The following SLC26A11 variants were observed in gnomAD, a reference collection of about 807,000 sequenced individuals.
The protein encoded by SLC26A11 is solute carrier family 26 member 11, also known as sodium-independent sulfate anion transporter.
A neutral mutation model predicts 62.2 loss-of-function variants in SLC26A11; 58 were observed. The ratio of observed to expected loss-of-function variants is 0.93; its 90% CI spans 0.76 to 1.16. SLC26A11 has a LOEUF of 1.16. Ranked by LOEUF, SLC26A11 falls within the 50% of genes most tolerant of loss-of-function variation. SLC26A11 has a pLI of 0.00. For missense variants in SLC26A11, 790 were observed against 794.3 expected (o/e 0.99, Z 0.06); for synonymous variants, 411 against 368.9 (o/e 1.11, Z -1.31).
chr17:80,230,573 A>T (rs866433433), intron 7 of SLC26A11, among the ~76,000 whole-genome samples: 27 of 152,228 alleles, frequency 1.8e-4, no homozygotes, highest in African/African-American at 6.0e-4. Context: ...CCTGGGGTGC[A>T]GGCCAGGCTG....
At chr17:80,230,193 C>CAAAA (rs11338645) in intron 7 of SLC26A11, among the ~76,000 whole-genome samples, 1 of 91,044 alleles carries the variant, frequency 1.1e-5, no homozygotes, top group Non-Finnish European at 2.2e-5. Flanking sequence ...GACTCCTTCT[C>CAAAA]AAAAAAAAAA....
Position 80,227,829 on chromosome 17 carries a change from C to T in SLC26A11, c.605C>T (p.Ala202Val). 2 of 1,603,948 alleles carry T rather than the reference C, an allele frequency of 1.2e-6. No individual in the cohort carries two copies. Among genetic ancestry groups the T allele is most frequent in the African/African-American group, 2.7e-5 (2 of 75,058 alleles). ...LRIAETRVGDAVLGLVCMLLL... is the reference protein window; with the variant it reads ...LRIAETRVGDVVLGLVCMLLL... ...CTGCCTGTCCACAGGGTAGGTGACG[C>T]CGTCCTGGGGCTGGTCTGCATGCTG... The change falls in exon 7 of 18, where the codon GCC becomes GTC. Residue 202 changes from alanine (A) to valine (V), a missense_variant. By Grantham distance (64) the Ala-to-Val change is moderately conservative. Transcript: ENST00000361193.
Position 80,243,770 on chromosome 17 carries a change from C to T in SLC26A11, c.1037-1426C>T, listed in dbSNP as rs74000658. Among the ~76,000 whole-genome samples, 533 of 152,310 alleles carry T rather than the reference C, an allele frequency of 3.5e-3. 4 individuals carry two copies. Among genetic ancestry groups the T allele is most frequent in the African/African-American group, 0.012 (505 of 41,568 alleles). On this transcript the variant is annotated intron_variant, in intron 10 of 17. Coordinates refer to ENST00000361193, the MANE Select transcript of SLC26A11 (RefSeq NM_001166347.2). ...TGAGTTCCAGGGATACAACACAGAC[C>T]GAGCGAAGGTCAAGGTTACTATGGC...
At chr17:80,238,499 G>T (rs899126636) in intron 9 of SLC26A11, among the ~76,000 whole-genome samples, 2 of 152,178 alleles carry the variant, frequency 1.3e-5, no homozygotes, top group African/African-American at 4.8e-5. Context: ...GGGAGGCAGG[G>T]AACCCTTCGT....
chr17:80,237,911 G>C (rs2042743826), intron 9 of SLC26A11, among the ~76,000 whole-genome samples: 1 of 152,210 alleles, frequency 6.6e-6, no homozygotes, highest in Admixed American at 6.5e-5. Flanking sequence ...TTAAGGTAAC[G>C]TCACTGAAAG....
At chr17:80,224,949 G>C (rs564497852) in intron 5 of SLC26A11, among the ~76,000 whole-genome samples, 53 of 152,036 alleles carry the variant, frequency 3.5e-4, no homozygotes, top group African/African-American at 1.3e-3. Flanking sequence ...CACCCACCCT[G>C]TGCGCAGCAG....
chr17:80,245,290 C>A (rs768145669), intron 11 of SLC26A11, 34 bp downstream of exon 11: 1 of 1,608,094 alleles, frequency 6.2e-7, no homozygotes, highest in Non-Finnish European at 8.5e-7. Flanking sequence ...TGTTTGCCCA[C>A]GTTGGACGCC....
At chr17:80,227,385 T>C (rs559043271) in intron 6 of SLC26A11, among the ~76,000 whole-genome samples, 3 of 152,316 alleles carry the variant, frequency 2.0e-5, no homozygotes, top group African/African-American at 7.2e-5. Context: ...CCAGATCCTG[T>C]TCCATAGACT....
chr17:80,222,581 C>T lies in SLC26A11; in HGVS notation c.235-74C>T. On this transcript the variant is annotated intron_variant, in intron 3 of 17. Transcript: ENST00000361193. The surrounding 1 kb of genome is among the most constrained non-coding windows in gnomAD (Gnocchi z 4.7). ...ACAGCTGACACCCACACATCCCGAGCTTGGACACGCACACTAGGGAGCTGG... is the reference window on the plus strand; with the variant it reads ...ACAGCTGACACCCACACATCCCGAGTTTGGACACGCACACTAGGGAGCTGG... 4 of 1,468,444 alleles carry T rather than the reference C, an allele frequency of 2.7e-6. No individual in the cohort carries two copies. The highest frequency in any genetic ancestry group is 3.8e-6 in the Non-Finnish European group (4 of 1,065,008). 91.0% of individuals were successfully genotyped at this position (1,468,444 alleles called of 1,614,324 possible).
chr17:80,252,572 C>A lies in SLC26A11; in HGVS notation c.1730-53C>A. On this transcript the variant is annotated intron_variant, in intron 17 of 17. Transcript: ENST00000361193. This position sits in a 1 kb window ranked among gnomAD's most constrained non-coding sequence, Gnocchi z 5.2. ...CTTAATCCCTTCCTGTGAACTGACCCATCCTCACTTCTGAGCTTTTAGTGC... is the reference window on the plus strand; with the variant it reads ...CTTAATCCCTTCCTGTGAACTGACCAATCCTCACTTCTGAGCTTTTAGTGC... The A allele has an allele frequency of 6.4e-7, 1 of 1,556,590 alleles. No homozygotes were observed. Among genetic ancestry groups the A allele is most frequent in the Non-Finnish European group, 8.8e-7 (1 of 1,132,234 alleles).
Position 80,222,973 on chromosome 17 carries a change from A to AGGTG in SLC26A11, c.427+136_427+139dup. 1 of 544,230 alleles carries AGGTG rather than the reference A, an allele frequency of 1.8e-6. No homozygotes were observed. Among genetic ancestry groups the AGGTG allele is most frequent in the South Asian group, 1.8e-5 (1 of 54,978 alleles). The allele number at this position is 544,230 out of a possible 1,614,324, so 33.7% of individuals were successfully genotyped here. A position where few individuals can be genotyped will look rare whatever the true frequency, so the allele number is the denominator to read the frequency against. ...TGTGGGTATGTATGTGTGTGTGTGT[A>AGGTG]GGTGGGTGGGTGGTGGAGGGGGTGG... On this transcript the variant is annotated intron_variant, in intron 4 of 17. Coordinates refer to ENST00000361193, the MANE Select transcript of SLC26A11 (RefSeq NM_001166347.2). The surrounding 1 kb of genome is among the most constrained non-coding windows in gnomAD (Gnocchi z 4.7).
intron 7 of SLC26A11, among the ~76,000 whole-genome samples, chr17:80,233,108 G>A (rs1198836779): frequency 6.6e-6 from 1 of 152,042 alleles, no homozygotes; most frequent in Non-Finnish European, 1.5e-5. Context: ...AATTAGCCAG[G>A]CATGGTGGTG....
At chr17:80,225,530 C>T (rs1418222980) in intron 5 of SLC26A11, 8 of 298,218 alleles carry the variant, frequency 2.7e-5, no homozygotes, top group South Asian at 2.6e-4. Context: ...GCTGTAGAAC[C>T]TGTCTGCCTG....
At position 80,222,530 on chromosome 17, in the gene SLC26A11, G is replaced by C; in HGVS notation, c.235-125G>C. 1.0e-6 allele frequency: 1 copy of C among 980,604 alleles called. No homozygotes were observed. 60.7% of individuals were successfully genotyped at this position (980,604 alleles called of 1,614,324 possible). A position where few individuals can be genotyped will look rare whatever the true frequency, so the allele number is the denominator to read the frequency against. On this transcript the variant is annotated intron_variant, in intron 3 of 17. Transcript: ENST00000361193. The surrounding 1 kb of genome is among the most constrained non-coding windows in gnomAD (Gnocchi z 4.7). ...TGCAGGTCCACCCACAGGGCAGGGC[G>C]GTGCACCTTTAACCTGGGCCTGGAC...
intron 8 of SLC26A11, 109 bp downstream of exon 8, chr17:80,237,212 G>T: frequency 7.7e-7 from 1 of 1,298,994 alleles, no homozygotes; most frequent in South Asian, 1.4e-5. Flanking sequence ...GGTCAGTTAG[G>T]ACAGCTGAGT....
Position 80,222,630 on chromosome 17 carries a change from T to C in SLC26A11, c.235-25T>C, listed in dbSNP as rs1198459246. The stretch of plus-strand genomic sequence containing the variant: ...GGTGGATGGGCCTCGGCCTCCTGAG[T>C]GCTCACCACCCTCTCTCCCCACAGT... On this transcript the variant is annotated intron_variant, in intron 3 of 17. Coordinates refer to ENST00000361193, the MANE Select transcript of SLC26A11 (RefSeq NM_001166347.2). This position sits in a 1 kb window ranked among gnomAD's most constrained non-coding sequence, Gnocchi z 4.7. The C allele has an allele frequency of 3.7e-6, 6 of 1,607,370 alleles. No homozygotes were observed. Among genetic ancestry groups the C allele is most frequent in the East Asian group, 4.5e-5 (2 of 44,778 alleles).
intron 9 of SLC26A11, among the ~76,000 whole-genome samples, chr17:80,239,009 T>C (rs2042782108): frequency 1.3e-5 from 2 of 151,492 alleles, no homozygotes; most frequent in Admixed American, 1.3e-4. Context: ...ATACTTTTAG[T>C]AGAGACAGGG....
intron 3 of SLC26A11, 77 bp downstream of exon 3, chr17:80,221,871 A>G (rs910706965): frequency 7.2e-7 from 1 of 1,397,290 alleles, no homozygotes; most frequent in South Asian, 1.4e-5. Context: ...AGACACCATC[A>G]GCGATTCCAG....
intron 9 of SLC26A11, among the ~76,000 whole-genome samples, chr17:80,240,816 A>G (rs1195565728): frequency 6.6e-6 from 1 of 152,004 alleles, no homozygotes; most frequent in Non-Finnish European, 1.5e-5. Context: ...AAATGAAAAT[A>G]ATAAAATAAA....
Sources: allele counts gnomAD v4.1 joint callset (sites outside exome capture counted in the v4.1 genomes callset), GRCh38; gene constraint gnomAD v4.1.1; non-coding constraint Gnocchi (gnomAD v3.1); transcripts MANE v1.5; gene names NCBI Gene and HGNC (gene_info 2026-07-23, HGNC 2026-07-21).